TMEM117: variants seen among roughly 807,000 people sequenced by gnomAD.
TMEM117 encodes the protein transmembrane protein 117.
In TMEM117, 27 loss-of-function variants were observed where a neutral mutation model predicts 52.4. The observed-to-expected ratio is 0.51, with a 90% CI of 0.38 to 0.71. The LOEUF (loss-of-function observed/expected upper bound fraction) is 0.71, where lower values mean the gene tolerates loss of function less well. Among genes scored for constraint, TMEM117 ranks in the 30% least tolerant of loss-of-function variants. TMEM117 has a pLI of 0.00. For missense variants in TMEM117, 556 were observed against 630.5 expected, an observed-to-expected ratio of 0.88 and a Z score of 1.26; for synonymous variants, 215 against 206.3, an observed-to-expected ratio of 1.04 and a Z score of -0.36.
At chr12:43,961,714 T>C (rs148687968) in intron 3 of TMEM117, among the ~76,000 whole-genome samples, 91 of 152,302 alleles carry the variant, frequency 6.0e-4, no homozygotes, top group African/African-American at 2.2e-3. Flanking sequence ...AATAACTCAG[T>C]GGCCTGTGTG....
intron 3 of TMEM117, among the ~76,000 whole-genome samples, chr12:43,971,973 A>C (rs1047472796): frequency 6.6e-6 from 1 of 152,214 alleles, no homozygotes; most frequent in African/African-American, 2.4e-5. Context: ...TGAATATTTT[A>C]GATACCTCAT....
At chr12:44,011,311 C>G (rs12303870) in intron 3 of TMEM117, among the ~76,000 whole-genome samples, 5,232 of 152,212 alleles carry the variant, frequency 0.034, 182 homozygotes, top group African/African-American at 0.087. Flanking sequence ...TATGGTTTGG[C>G]TGTGTCCCAC....
chr12:44,275,970 G>A (rs1469980783), intron 5 of TMEM117, among the ~76,000 whole-genome samples: 1 of 152,098 alleles, frequency 6.6e-6, no homozygotes, highest in Non-Finnish European at 1.5e-5. Flanking sequence ...GTAAGACAAG[G>A]CATAAATGCT....
chr12:44,195,280 G>T (rs1949403755), intron 4 of TMEM117, among the ~76,000 whole-genome samples: 1 of 152,112 alleles, frequency 6.6e-6, no homozygotes, highest in Non-Finnish European at 1.5e-5. Flanking sequence ...AAATGGCCCT[G>T]GCCACCTTAG....
intron 3 of TMEM117, among the ~76,000 whole-genome samples, chr12:44,012,068 C>T (rs575936291): frequency 1.3e-5 from 2 of 152,258 alleles, no homozygotes; most frequent in South Asian, 2.1e-4. Flanking sequence ...CAACTGAAAT[C>T]GTGGAAAGCA....
chr12:43,903,710 C>T (rs540526436), intron 2 of TMEM117, among the ~76,000 whole-genome samples: 17 of 152,230 alleles, frequency 1.1e-4, no homozygotes, highest in African/African-American at 3.6e-4. Flanking sequence ...CTAGTGAGCT[C>T]TTTCTCTTGG....
At chr12:44,026,880 A>G (rs1946542229) in intron 3 of TMEM117, among the ~76,000 whole-genome samples, 1 of 151,822 alleles carries the variant, frequency 6.6e-6, no homozygotes, top group African/African-American at 2.4e-5. Flanking sequence ...TTGTTTGTAA[A>G]CACAAGACAA....
intron 5 of TMEM117, among the ~76,000 whole-genome samples, chr12:44,214,753 A>AT (rs879550528): frequency 5.9e-5 from 9 of 152,112 alleles, no homozygotes; most frequent in Non-Finnish European, 1.2e-4. Context: ...CCACTTTAAA[A>AT]TTTTTTTCCA....
At chr12:44,134,558 A>G (rs751759162) in intron 3 of TMEM117, among the ~76,000 whole-genome samples, 1 of 152,200 alleles carries the variant, frequency 6.6e-6, no homozygotes, top group Non-Finnish European at 1.5e-5. Context: ...AACAAAAGTT[A>G]AATTCCCCAT....
the TMEM117 span, among the ~76,000 whole-genome samples, chr12:43,812,353 G>A: frequency 2.0e-5 from 3 of 152,200 alleles, no homozygotes; most frequent in East Asian, 1.9e-4. Flanking sequence ...GGAGAATCAA[G>A]CTTGTTAGAG....
At chr12:44,101,579 C>A (rs1280286521) in intron 3 of TMEM117, among the ~76,000 whole-genome samples, 1 of 151,994 alleles carries the variant, frequency 6.6e-6, no homozygotes, top group Non-Finnish European at 1.5e-5. Context: ...CATCATACTA[C>A]ATACTGTGGG....
At chr12:44,383,186 C>A (rs1952043636) in intron 7 of TMEM117, among the ~76,000 whole-genome samples, 1 of 152,126 alleles carries the variant, frequency 6.6e-6, no homozygotes, top group African/African-American at 2.4e-5. Flanking sequence ...ACAGCTCATC[C>A]ACAGTGCTAA....
chr12:44,214,185 A>G (rs1366652253), intron 5 of TMEM117, among the ~76,000 whole-genome samples: 1 of 119,776 alleles, frequency 8.3e-6, no homozygotes, highest in African/African-American at 3.1e-5. Context: ...CTCACTCTGT[A>G]GCCCAGGCTG....
chr12:44,115,870 T>G (rs1948133469), intron 3 of TMEM117, among the ~76,000 whole-genome samples: 1 of 152,188 alleles, frequency 6.6e-6, no homozygotes, highest in East Asian at 1.9e-4. Context: ...ATAAAGTGCC[T>G]TCTGGATCAG....
At chr12:44,005,496 C>T (rs1946180026) in intron 3 of TMEM117, among the ~76,000 whole-genome samples, 1 of 152,192 alleles carries the variant, frequency 6.6e-6, no homozygotes. Flanking sequence ...TCCAGCCTTG[C>T]TCTGACTGGG....
chr12:43,998,002 T>C (rs977001555), intron 3 of TMEM117, among the ~76,000 whole-genome samples: 11 of 152,212 alleles, frequency 7.2e-5, no homozygotes, highest in Non-Finnish European at 1.3e-4. Flanking sequence ...CACAACTGCA[T>C]AGGGAGAGGG....
chr12:44,145,699 T>C (rs1319875732), intron 4 of TMEM117, among the ~76,000 whole-genome samples: 1 of 152,180 alleles, frequency 6.6e-6, no homozygotes, highest in Admixed American at 6.5e-5. Context: ...CAGCCCACCT[T>C]ATCCCAGGCC....
intron 5 of TMEM117, among the ~76,000 whole-genome samples, chr12:44,236,920 A>C (rs115406044): frequency 3.9e-5 from 6 of 151,970 alleles, no homozygotes; most frequent in Non-Finnish European, 7.4e-5. Flanking sequence ...CATGCTCCCA[A>C]CTTAAAGTCA....
At chr12:44,343,622 AG>A in intron 6 of TMEM117, among the ~76,000 whole-genome samples, 1 of 152,194 alleles carries the variant, frequency 6.6e-6, no homozygotes, top group East Asian at 1.9e-4. Flanking sequence ...ACAATTAAAA[AG>A]GTTGTAGAGA....
Sources: allele counts gnomAD v4.1 joint callset (sites outside exome capture counted in the v4.1 genomes callset), GRCh38; gene constraint gnomAD v4.1.1; transcripts MANE v1.5; gene names NCBI Gene and HGNC (gene_info 2026-07-23, HGNC 2026-07-21).